Variants in GALNT13 observed in about 807,000 individuals in gnomAD.
GALNT13 encodes the protein polypeptide N-acetylgalactosaminyltransferase 13.
GALNT13 carries 28 observed loss-of-function variants against 64.2 expected under a neutral mutation model. The ratio of observed to expected loss-of-function variants is 0.44; its 90% CI spans 0.32 to 0.60. The LOEUF (loss-of-function observed/expected upper bound fraction) is 0.60, where lower values mean the gene tolerates loss of function less well. GALNT13 is among the 20% of genes least tolerant of loss of function. GALNT13 has a pLI of 0.05. For missense variants in GALNT13, 577 were observed against 669.8 expected (o/e 0.86, Z 1.53); for synonymous variants, 214 against 224.6 (o/e 0.95, Z 0.42).
the GALNT13 span, among the ~76,000 whole-genome samples, chr2:153,623,042 T>C: frequency 1.3e-5 from 2 of 152,112 alleles, no homozygotes; most frequent in African/African-American, 4.8e-5. Flanking sequence ...TGAAATGATA[T>C]GGATATTGTG....
chr2:153,970,720 T>C (rs1445079675), intron 3 of GALNT13, among the ~76,000 whole-genome samples: 1 of 152,190 alleles, frequency 6.6e-6, no homozygotes, highest in Non-Finnish European at 1.5e-5. Context: ...GCTTTTCTCT[T>C]TGCCATCTTT....
At chr2:153,479,587 T>A in the GALNT13 span, among the ~76,000 whole-genome samples, 1 of 152,196 alleles carries the variant, frequency 6.6e-6, no homozygotes, top group South Asian at 2.1e-4. Flanking sequence ...CACTTGCTTG[T>A]AATTTTAATT....
At chr2:153,135,753 AG>A in the GALNT13 span, among the ~76,000 whole-genome samples, 2 of 152,070 alleles carry the variant, frequency 1.3e-5, no homozygotes, top group African/African-American at 4.8e-5. Flanking sequence ...TGAGTAGCTT[AG>A]GGATTAGGGG....
chr2:153,212,988 C>T, the GALNT13 span, among the ~76,000 whole-genome samples: 4 of 152,260 alleles, frequency 2.6e-5, no homozygotes, highest in East Asian at 7.7e-4. Flanking sequence ...CTTACACATC[C>T]AGGGGTCACT....
the GALNT13 span, among the ~76,000 whole-genome samples, chr2:153,149,321 G>C: frequency 6.6e-6 from 1 of 151,746 alleles, no homozygotes; most frequent in African/African-American, 2.4e-5. Flanking sequence ...TGACTCCAAA[G>C]CCCATACCTC....
chr2:154,368,586 G>A (rs1697503352), intron 9 of GALNT13, among the ~76,000 whole-genome samples: 1 of 152,148 alleles, frequency 6.6e-6, no homozygotes, highest in African/African-American at 2.4e-5. Flanking sequence ...GCAGAGATGG[G>A]GAGCCACAGC....
chr2:153,841,288 A>G, the GALNT13 span, among the ~76,000 whole-genome samples: 1 of 152,168 alleles, frequency 6.6e-6, no homozygotes, highest in Non-Finnish European at 1.5e-5. Context: ...TTAAAAATAC[A>G]TAGCTATTCA....
At chr2:153,617,033 A>G in the GALNT13 span, among the ~76,000 whole-genome samples, 6 of 151,952 alleles carry the variant, frequency 3.9e-5, no homozygotes, top group Non-Finnish European at 4.4e-5. Flanking sequence ...AGCATTGGAC[A>G]GATGTTCTGT....
the GALNT13 span, among the ~76,000 whole-genome samples, chr2:153,712,477 G>C: frequency 2.6e-5 from 4 of 152,058 alleles, no homozygotes; most frequent in Non-Finnish European, 5.9e-5. Flanking sequence ...AAGAACCTCA[G>C]TATATTCTTA....
At chr2:154,111,349 A>G (rs977484993) in intron 3 of GALNT13, among the ~76,000 whole-genome samples, 5 of 152,082 alleles carry the variant, frequency 3.3e-5, no homozygotes, top group African/African-American at 1.2e-4. Flanking sequence ...ACCCTGATAG[A>G]TCTCCTATAT....
Position 154,450,330 on chromosome 2 carries a change from T to C in GALNT13, c.1531-81T>C, listed in dbSNP as rs1314476788. On this transcript the variant is annotated intron_variant, in intron 12 of 12. Coordinates refer to ENST00000392825, the MANE Select transcript of GALNT13 (RefSeq NM_052917.4). ...ATACTATAAAAATCATAAAGGATTT[T>C]TTAAAGAACAGATTTTATCTGATGT... 3 of 1,312,012 alleles carry C rather than the reference T, an allele frequency of 2.3e-6. No individual in the cohort carries two copies. The East Asian group carries it at 7.0e-5, about 31-fold the overall frequency. The allele number at this position is 1,312,012 out of a possible 1,614,324, so 81.3% of individuals were successfully genotyped here.
intron 3 of GALNT13, among the ~76,000 whole-genome samples, chr2:154,063,587 G>A (rs1166387565): frequency 6.6e-6 from 1 of 152,152 alleles, no homozygotes; most frequent in African/African-American, 2.4e-5. Flanking sequence ...TTGGAAGGGT[G>A]TGGAGGAGAT....
intron 3 of GALNT13, among the ~76,000 whole-genome samples, chr2:154,079,166 A>G (rs1333819888): frequency 6.6e-6 from 1 of 151,658 alleles, no homozygotes; most frequent in Non-Finnish European, 1.5e-5. Flanking sequence ...ATGTACAGCT[A>G]ATCACCAAGA....
the GALNT13 span, among the ~76,000 whole-genome samples, chr2:153,653,833 T>G: frequency 6.6e-6 from 1 of 152,156 alleles, no homozygotes; most frequent in Non-Finnish European, 1.5e-5. Context: ...TTGAAAAAAT[T>G]TTATACAAGA....
chr2:153,180,583 G>A, the GALNT13 span, among the ~76,000 whole-genome samples: 1 of 152,118 alleles, frequency 6.6e-6, no homozygotes, highest in African/African-American at 2.4e-5. Context: ...TTTTGGAAGA[G>A]TTTGTTAAGT....
rs80015485 is a variant in GALNT13, at chr2:154,353,362, A to G, written c.1157-42629A>G. ...GTTATGGGATACATATAGATAGTAAAATGGTTATTACAGTGAAGCAGACTA... is the reference window on the plus strand; with the variant it reads ...GTTATGGGATACATATAGATAGTAAGATGGTTATTACAGTGAAGCAGACTA... On this transcript the variant is annotated intron_variant, in intron 9 of 12. Transcript: ENST00000392825. Among the ~76,000 whole-genome samples the G allele has an allele frequency of 8.3e-3, 1,259 of 152,310 alleles. 14 individuals carry two copies. Among genetic ancestry groups the G allele is most frequent in the African/African-American group, 0.029 (1,201 of 41,570 alleles).
intron 9 of GALNT13, among the ~76,000 whole-genome samples, chr2:154,355,993 T>C: frequency 6.6e-6 from 1 of 152,150 alleles, no homozygotes. Context: ...TCAGGTTCTC[T>C]TTGATATTAA....
the GALNT13 span, among the ~76,000 whole-genome samples, chr2:153,222,332 T>TGGGGGGGGGGGGGGGGGGGGGGGGGGGGG: frequency 8.7e-5 from 9 of 103,786 alleles, no homozygotes; most frequent in African/African-American, 1.9e-4. Flanking sequence ...GGGGGTGGGG[T>TGGGGGGGGGGGGGGGGGGGGGGGGGGGGG]GGGGGGGGGG....
At chr2:154,401,283 C>A (rs1424253321) in intron 10 of GALNT13, among the ~76,000 whole-genome samples, 1 of 152,084 alleles carries the variant, frequency 6.6e-6, no homozygotes, top group Non-Finnish European at 1.5e-5. Context: ...AATGCAGAAG[C>A]TAAAACGCTT....
Sources: gnomAD v4.1 joint callset for allele counts (sites outside exome capture counted in the v4.1 genomes callset) on GRCh38, gnomAD v4.1.1 for gene constraint, MANE v1.5 for transcripts, NCBI Gene and HGNC (gene_info 2026-07-23, HGNC 2026-07-21) for gene names.